Variants in KIF13B observed in about 807,000 individuals in gnomAD.
The protein encoded by KIF13B is kinesin family member 13B.
KIF13B carries 127 observed loss-of-function variants against 222.0 expected under a neutral mutation model. The ratio of observed to expected loss-of-function variants is 0.57; its 90% CI spans 0.50 to 0.66. The LOEUF (loss-of-function observed/expected upper bound fraction) is 0.66. Ranked by LOEUF, KIF13B falls within the 30% of genes least tolerant of loss-of-function variation. KIF13B has a pLI of 0.00. For missense variants in KIF13B, 2,173 were observed against 2,379.0 expected (o/e 0.91, Z 1.80); for synonymous variants, 976 against 919.0 (o/e 1.06, Z -1.12).
intron 13 of KIF13B, among the ~76,000 whole-genome samples, chr8:29,156,114 A>G (rs887069123): frequency 2.0e-5 from 3 of 152,072 alleles, no homozygotes; most frequent in Non-Finnish European, 4.4e-5. Context: ...GATTACAGGC[A>G]TGCACCACCA....
rs17454230 is a variant in KIF13B at position 29,068,564 on chromosome 8, G to T, written c.*1940C>A. 0.099 allele frequency: 15,120 copies of T among 152,334 alleles called. 952 individuals carry two copies. Among genetic ancestry groups the T allele is most frequent in the Middle Eastern group, 0.16 (47 of 294 alleles). The allele number at this position is 152,334 out of a possible 1,614,324, so 9.4% of individuals were successfully genotyped here. ...CACACGTCCCCCAGGACTTTCCCAAGATGGTGCTACAGGAGGCCGCTGCTG... is the reference window on the plus strand; with the variant it reads ...CACACGTCCCCCAGGACTTTCCCAATATGGTGCTACAGGAGGCCGCTGCTG... On this transcript the variant is annotated 3_prime_UTR_variant, in exon 40 of 40. Coordinates refer to ENST00000524189, the MANE Select transcript of KIF13B (RefSeq NM_015254.4). The surrounding 1 kb of genome is among the most constrained non-coding windows in gnomAD (Gnocchi z 4.4).
chr8:29,244,492 G>A (rs1187618162), intron 2 of KIF13B, among the ~76,000 whole-genome samples: 1 of 152,156 alleles, frequency 6.6e-6, no homozygotes, highest in Non-Finnish European at 1.5e-5. Flanking sequence ...CTGATCTCCA[G>A]AAAAGGTCAG....
chr8:29,147,854 C>A (rs781387935), intron 16 of KIF13B, among the ~76,000 whole-genome samples: 4 of 152,144 alleles, frequency 2.6e-5, no homozygotes, highest in Non-Finnish European at 5.9e-5. Context: ...TAAGACATGG[C>A]GAATCCTCCA....
intron 16 of KIF13B, among the ~76,000 whole-genome samples, chr8:29,147,990 G>A (rs745517246): frequency 1.3e-5 from 2 of 152,204 alleles, no homozygotes; most frequent in African/African-American, 4.8e-5. Flanking sequence ...CTGAGGTCAG[G>A]AGTTTGAGAC....
At position 29,070,609 on chromosome 8, in the gene KIF13B, G is replaced by A. The variant is rs766816348; in HGVS notation, c.5376C>T (p.Ala1792=). ...RLGAPEARRS[A]TLSGSATNLA... is the part of the protein sequence containing the mutation. Reference sequence around the variant, plus strand: ...GGTTGGTGGCGGAGCCCGAGAGGGTGGCGCTCCGGCGGGCCTCGGGGGCAC... The same window carrying A: ...GGTTGGTGGCGGAGCCCGAGAGGGTAGCGCTCCGGCGGGCCTCGGGGGCAC... Residue 1792 remains alanine (A), a synonymous_variant, in exon 40 of 40, where the codon GCC becomes GCT. Coordinates refer to ENST00000524189, the MANE Select transcript of KIF13B (RefSeq NM_015254.4). The surrounding 1 kb of genome is among the most constrained non-coding windows in gnomAD (Gnocchi z 4.1). 6.3e-7 allele frequency: 1 copy of A among 1,586,950 alleles called. No homozygotes were observed. Among genetic ancestry groups the A allele is most frequent in the African/African-American group, 1.3e-5 (1 of 74,300 alleles).
intron 8 of KIF13B, among the ~76,000 whole-genome samples, chr8:29,178,266 T>A (rs1487805577): frequency 6.6e-6 from 1 of 150,768 alleles, no homozygotes; most frequent in African/African-American, 2.4e-5. Flanking sequence ...GACAAAACAC[T>A]TGCAATTCTG....
chr8:29,098,170 C>CAAAAAAAAAAA (rs147089450), intron 36 of KIF13B, among the ~76,000 whole-genome samples: 10 of 30,304 alleles, frequency 3.3e-4, no homozygotes, highest in African/African-American at 6.6e-4. Flanking sequence ...GACTCCATCT[C>CAAAAAAAAAAA]AAAAAAAAAA....
At chr8:29,123,854 C>A (rs1169352216) in intron 27 of KIF13B, among the ~76,000 whole-genome samples, 170 bp downstream of exon 27, 2 of 152,200 alleles carry the variant, frequency 1.3e-5, no homozygotes, top group African/African-American at 4.8e-5. Flanking sequence ...CACCAAGATA[C>A]GACAGCTGGA....
chr8:29,226,903 T>C (rs188603006), intron 2 of KIF13B, among the ~76,000 whole-genome samples: 268 of 152,372 alleles, frequency 1.8e-3, no homozygotes, highest in African/African-American at 6.3e-3. Context: ...CTGTTCTTAA[T>C]TTATTTATAT....
At chr8:29,243,803 T>G (rs953228473) in intron 2 of KIF13B, among the ~76,000 whole-genome samples, 12 of 152,242 alleles carry the variant, frequency 7.9e-5, no homozygotes, top group Non-Finnish European at 1.6e-4. Context: ...AAGCTATACA[T>G]TTTGCTGTAT....
chr8:29,230,870 T>C (rs566497966), intron 2 of KIF13B, among the ~76,000 whole-genome samples: 2 of 152,230 alleles, frequency 1.3e-5, no homozygotes, highest in Admixed American at 1.3e-4. Flanking sequence ...TGTGACCTAA[T>C]ATTTTGTTTT....
At chr8:29,179,753 T>G (rs1046071305) in intron 8 of KIF13B, among the ~76,000 whole-genome samples, 4 of 152,184 alleles carry the variant, frequency 2.6e-5, no homozygotes, top group African/African-American at 9.7e-5. Context: ...ACTTCTCTAT[T>G]CCTGCTTCCT....
intron 2 of KIF13B, among the ~76,000 whole-genome samples, chr8:29,235,615 C>G: frequency 6.6e-6 from 1 of 151,902 alleles, no homozygotes; most frequent in East Asian, 1.9e-4. Flanking sequence ...CAGCCACAGC[C>G]TGAAGGGAAG....
intron 2 of KIF13B, among the ~76,000 whole-genome samples, chr8:29,198,328 G>GT (rs11450963): frequency 0.13 from 19,929 of 150,308 alleles, 1,430 homozygotes; most frequent in South Asian, 0.16. Flanking sequence ...TTTGTTTTTT[G>GT]TTTTTTTTTG....
chr8:29,221,012 T>A (rs1489188510), intron 2 of KIF13B, among the ~76,000 whole-genome samples: 2 of 151,618 alleles, frequency 1.3e-5, no homozygotes, highest in African/African-American at 4.8e-5. Context: ...TGCGGTGGCA[T>A]GCACCTGTAG....
intron 23 of KIF13B, among the ~76,000 whole-genome samples, chr8:29,131,282 A>G (rs1454396770): frequency 2.0e-5 from 3 of 151,700 alleles, no homozygotes; most frequent in African/African-American, 7.3e-5. Context: ...CACACAATAT[A>G]CCCAGGTAAA....
At chr8:29,219,715 T>C (rs1005076046) in intron 2 of KIF13B, among the ~76,000 whole-genome samples, 1 of 152,064 alleles carries the variant, frequency 6.6e-6, no homozygotes, top group Non-Finnish European at 1.5e-5. Flanking sequence ...ATTGTGTCAC[T>C]GCACTCCAGC....
intron 1 of KIF13B, among the ~76,000 whole-genome samples, chr8:29,255,827 G>A (rs1296309718): frequency 1.3e-5 from 2 of 152,116 alleles, no homozygotes; most frequent in Non-Finnish European, 2.9e-5. Flanking sequence ...CCTGTGACAT[G>A]TGATTGCTTT....
chr8:29,164,156 T>G (rs2130137506), intron 12 of KIF13B, among the ~76,000 whole-genome samples: 1 of 152,350 alleles, frequency 6.6e-6, no homozygotes, highest in Admixed American at 6.5e-5. Context: ...GCAATAAAAA[T>G]GTTTTTAAAA....
Sources: allele counts gnomAD v4.1 joint callset (sites outside exome capture counted in the v4.1 genomes callset), GRCh38; gene constraint gnomAD v4.1.1; non-coding constraint Gnocchi (gnomAD v3.1); transcripts MANE v1.5; gene names NCBI Gene and HGNC (gene_info 2026-07-23, HGNC 2026-07-21).